The following FAM219A variants were observed in gnomAD, a reference collection of about 807,000 sequenced individuals.
FAM219A encodes family with sequence similarity 219 member A.
In FAM219A, 7 loss-of-function variants were observed where a neutral mutation model predicts 23.4. That is an observed-to-expected ratio of 0.30 (90% CI 0.17 to 0.56). The LOEUF is 0.56. Ranked by LOEUF, FAM219A falls within the 20% of genes least tolerant of loss-of-function variation. The probability of loss-of-function intolerance (pLI) is 0.92; values close to 1 mark genes in which losing one functional copy is unlikely to be tolerated. For synonymous variants in FAM219A, 93 were observed against 99.0 expected (o/e 0.94, Z 0.36); for missense variants, 166 against 246.9 (o/e 0.67, Z 2.20).
intron 2 of FAM219A, among the ~76,000 whole-genome samples, chr9:34,403,432 A>G (rs1821522800): frequency 6.6e-6 from 1 of 152,240 alleles, no homozygotes; most frequent in African/African-American, 2.4e-5. Context: ...TTAACGCAGA[A>G]GGAAGAAGAA....
chr9:34,458,568 C>T lies in FAM219A; in HGVS notation c.-305G>A, dbSNP rs1296953812. On this transcript the variant is annotated 5_prime_UTR_variant, in exon 1 of 6. Coordinates refer to ENST00000651358, the MANE Select transcript of FAM219A (RefSeq NM_001184940.2). The surrounding 1 kb of genome is among the most constrained non-coding windows in gnomAD (Gnocchi z 6.6). ...GTCAGCAGCTCAGCCACTGCGGTGA[C>T]TCGGCAACTCCACTTCCGGGTCCGG... 1.5e-5 allele frequency: 6 copies of T among 393,854 alleles called. No homozygotes were observed. In the East Asian group the frequency reaches 3.2e-4, roughly 21 times the overall value. The allele number at this position is 393,854 out of a possible 1,614,324, so 24.4% of individuals were successfully genotyped here.
At position 34,457,196 on chromosome 9, in the gene FAM219A, C is replaced by T. The variant is rs1487129506; in HGVS notation, c.60+1008G>A. 6.6e-6 allele frequency among the ~76,000 whole-genome samples: 1 copy of T among 152,236 alleles called. No individual in the cohort carries two copies. Among genetic ancestry groups the T allele is most frequent in the Non-Finnish European group, 1.5e-5 (1 of 68,048 alleles). On this transcript the variant is annotated intron_variant, in intron 1 of 5. Transcript: ENST00000651358. This position sits in a 1 kb window ranked among gnomAD's most constrained non-coding sequence, Gnocchi z 5.1. ...AGGCTCCAGGGGGATAAAGCGAACA[C>T]AGCCTAGACATTCCCTCTCTTCCCC...
chr9:34,444,689 C>A (rs893446224), intron 1 of FAM219A, among the ~76,000 whole-genome samples: 7 of 152,200 alleles, frequency 4.6e-5, no homozygotes, highest in African/African-American at 1.7e-4. Flanking sequence ...CAGCTAGGGA[C>A]CCCTGCCCAC....
At chr9:34,439,202 C>T (rs577890121) in intron 1 of FAM219A, among the ~76,000 whole-genome samples, 1 of 152,336 alleles carries the variant, frequency 6.6e-6, no homozygotes, top group East Asian at 1.9e-4. Context: ...ACACTCACCG[C>T]GAGGGTCCGC....
chr9:34,438,990 T>C (rs764390493), intron 1 of FAM219A, among the ~76,000 whole-genome samples: 5 of 152,236 alleles, frequency 3.3e-5, no homozygotes, highest in Admixed American at 6.5e-5. Context: ...GCTTCACTCC[T>C]GAAACCAGCG....
chr9:34,446,172 C>CA (rs11352681), intron 1 of FAM219A, among the ~76,000 whole-genome samples: 2,521 of 107,874 alleles, frequency 0.023, 23 homozygotes, highest in Middle Eastern at 0.064. Context: ...GACTCTGTCT[C>CA]AAAAAAAAAA....
chr9:34,424,093 A>G (rs1822373933), intron 1 of FAM219A, among the ~76,000 whole-genome samples: 1 of 152,184 alleles, frequency 6.6e-6, no homozygotes, highest in South Asian at 2.1e-4. Context: ...CCAAGAAGAG[A>G]TCAGAGTCAT....
intron 1 of FAM219A, among the ~76,000 whole-genome samples, chr9:34,451,264 G>A (rs966956714): frequency 6.6e-6 from 1 of 152,130 alleles, no homozygotes; most frequent in Non-Finnish European, 1.5e-5. Context: ...CTAAACTCCA[G>A]AGCAGACTCA....
intron 1 of FAM219A, among the ~76,000 whole-genome samples, chr9:34,455,535 C>T (rs1480563596): frequency 1.3e-5 from 2 of 149,846 alleles, no homozygotes; most frequent in South Asian, 4.2e-4. Flanking sequence ...GGTAGGCACA[C>T]GGCTCACTGC....
chr9:34,414,903 G>T (rs578154797), intron 1 of FAM219A, among the ~76,000 whole-genome samples: 1 of 152,344 alleles, frequency 6.6e-6, no homozygotes, highest in African/African-American at 2.4e-5. Context: ...GAATGCAGAA[G>T]AGGAAAGCAT....
At chr9:34,416,501 C>T (rs576347158) in intron 1 of FAM219A, among the ~76,000 whole-genome samples, 3 of 152,164 alleles carry the variant, frequency 2.0e-5, no homozygotes, top group African/African-American at 4.8e-5. Flanking sequence ...CTGTGGTTCA[C>T]GCCTGTAATC....
intron 4 of FAM219A, 150 bp from the exon 5 acceptor site, chr9:34,401,870 G>A: frequency 3.3e-6 from 3 of 915,220 alleles, no homozygotes; most frequent in Non-Finnish European, 3.3e-6. Flanking sequence ...CTGTGCAAAT[G>A]CAGGATTTTA....
chr9:34,451,794 C>T (rs1823571109), intron 1 of FAM219A, among the ~76,000 whole-genome samples: 1 of 152,174 alleles, frequency 6.6e-6, no homozygotes, highest in Admixed American at 6.5e-5. Context: ...GAATTCTGCT[C>T]CTTTGGTACA....
At position 34,458,070 on chromosome 9, in the gene FAM219A, G is replaced by A. The variant is rs1054618284; in HGVS notation, c.60+134C>T. 1.1e-5 allele frequency: 9 copies of A among 793,688 alleles called. No individual in the cohort carries two copies. Among genetic ancestry groups the A allele is most frequent in the Admixed American group, 7.0e-5 (2 of 28,532 alleles). 49.2% of individuals were successfully genotyped at this position (793,688 alleles called of 1,614,324 possible). A position where few individuals can be genotyped will look rare whatever the true frequency, so the allele number is the denominator to read the frequency against. On this transcript the variant is annotated intron_variant, in intron 1 of 5. Coordinates refer to ENST00000651358, the MANE Select transcript of FAM219A (RefSeq NM_001184940.2). This position sits in a 1 kb window ranked among gnomAD's most constrained non-coding sequence, Gnocchi z 6.6. ...CTTGTCCTGCAAGTCCCCGTCCCCC[G>A]GCAATACGTTTTCAGGGATCTCTTT... is the stretch of plus-strand genomic sequence containing the variant.
rs928168938 is a variant in FAM219A, at chr9:34,423,039, C to A, written c.61-17075G>T. 3.3e-5 allele frequency among the ~76,000 whole-genome samples: 5 copies of A among 152,060 alleles called. No homozygotes were observed. The East Asian group carries it at 9.6e-4, about 29-fold the overall frequency. On this transcript the variant is annotated intron_variant, in intron 1 of 5. Transcript: ENST00000651358. ...AGAAAATTAGCCCGGCATGGTGGCA[C>A]GTGTCTGTAGTCCTAGCTACTCAGA... is the stretch of plus-strand genomic sequence containing the variant.
intron 1 of FAM219A, among the ~76,000 whole-genome samples, chr9:34,430,636 CAAA>C (rs757627612): frequency 7.1e-5 from 4 of 56,268 alleles, no homozygotes; most frequent in African/African-American, 1.3e-4. Context: ...GACTCCGTCT[CAAA>C]AAAAAAAAAA....
chr9:34,428,308 G>A (rs1009366906), intron 1 of FAM219A, among the ~76,000 whole-genome samples: 10 of 152,214 alleles, frequency 6.6e-5, no homozygotes, highest in African/African-American at 2.4e-4. Flanking sequence ...TCCTGGAATA[G>A]TAAACACAAC....
At chr9:34,421,723 A>C (rs968401297) in intron 1 of FAM219A, among the ~76,000 whole-genome samples, 3 of 141,354 alleles carry the variant, frequency 2.1e-5, no homozygotes, top group Non-Finnish European at 3.1e-5. Flanking sequence ...TACAACCTCT[A>C]CCTCTTCTAG....
chr9:34,425,372 C>T (rs776455016), intron 1 of FAM219A, among the ~76,000 whole-genome samples: 3 of 152,076 alleles, frequency 2.0e-5, no homozygotes, highest in East Asian at 3.9e-4. Flanking sequence ...CCCAGCTACT[C>T]GGGAGGCTGA....
Sources: gnomAD v4.1 joint callset for allele counts (sites outside exome capture counted in the v4.1 genomes callset) on GRCh38, gnomAD v4.1.1 for gene constraint, Gnocchi (gnomAD v3.1) non-coding constraint, MANE v1.5 for transcripts, NCBI Gene and HGNC (gene_info 2026-07-23, HGNC 2026-07-21) for gene names.